SMAP1: variants seen among roughly 807,000 people sequenced by gnomAD.
SMAP1 encodes stromal membrane-associated protein 1.
Under a neutral mutation model 58.5 loss-of-function variants are expected in SMAP1, and 24 were observed. The observed-to-expected ratio is 0.41, with a 90% CI of 0.30 to 0.58. SMAP1 has a LOEUF of 0.58. Among genes scored for constraint, SMAP1 ranks in the 20% least tolerant of loss-of-function variants. The probability of loss-of-function intolerance (pLI) is 0.29; values close to 1 mark genes in which losing one functional copy is unlikely to be tolerated. For synonymous variants in SMAP1, 216 were observed against 196.6 expected, an observed-to-expected ratio of 1.10 and a Z score of -0.82; for missense variants, 563 against 566.3, an observed-to-expected ratio of 0.99 and a Z score of 0.06.
chr6:70,761,006 A>G (rs1766724970), intron 3 of SMAP1, among the ~76,000 whole-genome samples: 1 of 152,066 alleles, frequency 6.6e-6, no homozygotes, highest in South Asian at 2.1e-4. Context: ...TTGTGTACCA[A>G]AGCTAATCAG....
At chr6:70,726,973 A>G (rs1331497394) in intron 1 of SMAP1, among the ~76,000 whole-genome samples, 1 of 151,682 alleles carries the variant, frequency 6.6e-6, no homozygotes, top group Non-Finnish European at 1.5e-5. Flanking sequence ...CTGCAATGTT[A>G]TATTTTTTGG....
At chr6:70,721,601 C>T (rs1768530238) in intron 1 of SMAP1, among the ~76,000 whole-genome samples, 1 of 152,130 alleles carries the variant, frequency 6.6e-6, no homozygotes, top group Admixed American at 6.6e-5. Context: ...TCAGTAACGC[C>T]CCACTCTCCT....
At chr6:70,769,735 G>A (rs1041935456) in intron 3 of SMAP1, among the ~76,000 whole-genome samples, 7 of 152,084 alleles carry the variant, frequency 4.6e-5, no homozygotes, top group Non-Finnish European at 8.8e-5. Flanking sequence ...TTTAATTGGA[G>A]CATTTAGCCC....
Position 70,668,035 on chromosome 6 carries a change from C to T in SMAP1, c.12C>T (p.Arg4=). The T allele has an allele frequency of 6.3e-7, 1 of 1,599,586 alleles. No homozygotes were observed. Among genetic ancestry groups the T allele is most frequent in the Non-Finnish European group, 8.5e-7 (1 of 1,174,130 alleles). The change falls in exon 1 of 11, where the codon CGC becomes CGT. Residue 4 remains arginine, a synonymous_variant. Coordinates refer to ENST00000370455, the MANE Select transcript of SMAP1 (RefSeq NM_001044305.3). The stretch of plus-strand genomic sequence containing the variant: ...GCCCCGCTGCCGAGATGGCGACGCG[C>T]TCCTGTCGGGAGAAGGCTCAGAAGC... MAT[R]SCREKAQKLN...
chr6:70,808,336 T>C (rs1769226461), intron 6 of SMAP1, among the ~76,000 whole-genome samples: 1 of 152,258 alleles, frequency 6.6e-6, no homozygotes, highest in Admixed American at 6.5e-5. Flanking sequence ...AGTAAATATT[T>C]TAAGCTATAG....
intron 1 of SMAP1, among the ~76,000 whole-genome samples, chr6:70,707,684 C>T (rs1767893248): frequency 6.6e-6 from 1 of 152,140 alleles, no homozygotes; most frequent in African/African-American, 2.4e-5. Context: ...TAGCTCACTG[C>T]AACCTCCACC....
At chr6:70,790,450 C>G (rs1440367962) in intron 4 of SMAP1, among the ~76,000 whole-genome samples, 2 of 152,156 alleles carry the variant, frequency 1.3e-5, no homozygotes, top group Non-Finnish European at 2.9e-5. Context: ...AGATTTCTAG[C>G]AAGTAAATAT....
At chr6:70,814,883 GTGT>G (rs941383421) in intron 6 of SMAP1, among the ~76,000 whole-genome samples, 1 of 152,144 alleles carries the variant, frequency 6.6e-6, no homozygotes, top group Non-Finnish European at 1.5e-5. Flanking sequence ...TCAACACACT[GTGT>G]TGTTAGCTTC....
intron 1 of SMAP1, among the ~76,000 whole-genome samples, chr6:70,730,400 TA>T (rs1765381975): frequency 6.6e-6 from 1 of 152,236 alleles, no homozygotes; most frequent in African/African-American, 2.4e-5. Flanking sequence ...ACTTACTTGC[TA>T]AAAATAATTA....
chr6:70,852,258 T>C (rs1771213181), intron 7 of SMAP1, among the ~76,000 whole-genome samples: 1 of 151,958 alleles, frequency 6.6e-6, no homozygotes, highest in Non-Finnish European at 1.5e-5. Context: ...TAAAAAAAAT[T>C]AGGGTGCAAA....
chr6:70,852,379 C>T (rs1405342596), intron 7 of SMAP1, among the ~76,000 whole-genome samples, 161 bp from the exon 8 acceptor site: 3 of 152,068 alleles, frequency 2.0e-5, no homozygotes, highest in African/African-American at 7.2e-5. Flanking sequence ...GAAATGGTTT[C>T]TTTGGGAAAG....
At chr6:70,826,405 T>C (rs1770119786) in intron 6 of SMAP1, among the ~76,000 whole-genome samples, 1 of 152,126 alleles carries the variant, frequency 6.6e-6, no homozygotes, top group Non-Finnish European at 1.5e-5. Flanking sequence ...TTTTTTTTTT[T>C]TTAACAACTT....
chr6:70,817,047 C>T (rs993062570), intron 6 of SMAP1, among the ~76,000 whole-genome samples: 1 of 151,476 alleles, frequency 6.6e-6, no homozygotes, highest in Non-Finnish European at 1.5e-5. Context: ...CACTTCCAAT[C>T]GGTAGATTTT....
chr6:70,801,947 G>A (rs572029077), intron 6 of SMAP1, among the ~76,000 whole-genome samples: 125 of 152,262 alleles, frequency 8.2e-4, no homozygotes, highest in Middle Eastern at 3.4e-3. Context: ...GTCAGGTAGC[G>A]TGATGTCTCC....
chr6:70,779,088 C>T (rs1464796959), intron 4 of SMAP1, among the ~76,000 whole-genome samples: 1 of 152,206 alleles, frequency 6.6e-6, no homozygotes, highest in Non-Finnish European at 1.5e-5. Flanking sequence ...GTGGTGGCAG[C>T]CCCAGGCAGG....
intron 1 of SMAP1, among the ~76,000 whole-genome samples, chr6:70,716,493 A>G (rs1239364051): frequency 2.6e-5 from 4 of 152,134 alleles, no homozygotes; most frequent in Non-Finnish European, 5.9e-5. Context: ...GCCACAGACC[A>G]GTATCTGTAT....
At chr6:70,852,742 G>A in intron 8 of SMAP1, 78 bp downstream of exon 8, 1 of 1,414,250 alleles carries the variant, frequency 7.1e-7, no homozygotes. Context: ...AATTTTGGAA[G>A]AATTGTTTCT....
chr6:70,715,756 A>G (rs1320387188), intron 1 of SMAP1, among the ~76,000 whole-genome samples: 2 of 151,990 alleles, frequency 1.3e-5, no homozygotes, highest in Non-Finnish European at 2.9e-5. Context: ...TTTTATTTCC[A>G]TAGGTTTTGG....
At chr6:70,780,543 T>C (rs1369886052) in intron 4 of SMAP1, among the ~76,000 whole-genome samples, 1 of 152,170 alleles carries the variant, frequency 6.6e-6, no homozygotes, top group East Asian at 1.9e-4. Flanking sequence ...ATCACACCGC[T>C]GTACTACTAC....
Sources: allele counts gnomAD v4.1 joint callset (sites outside exome capture counted in the v4.1 genomes callset), GRCh38; gene constraint gnomAD v4.1.1; transcripts MANE v1.5; gene names NCBI Gene and HGNC (gene_info 2026-07-23, HGNC 2026-07-21).